BDP1: variants seen among roughly 807,000 people sequenced by gnomAD.
BDP1 encodes transcription factor TFIIIB component B'' homolog.
In BDP1, 169 loss-of-function variants were observed where a neutral mutation model predicts 266.6. That is an observed-to-expected ratio of 0.63 (90% confidence interval 0.56 to 0.72). The LOEUF is 0.72. BDP1 is among the 30% of genes least tolerant of loss of function. The pLI, the probability that BDP1 is intolerant of heterozygous loss-of-function variation, is 0.00. For missense variants in BDP1, 3,015 were observed against 3,053.8 expected (o/e 0.99, Z 0.30); for synonymous variants, 1,090 against 1,022.4 (o/e 1.07, Z -1.26).
At chr5:71,492,021 C>T (rs529155537) in intron 11 of BDP1, among the ~76,000 whole-genome samples, 1 of 152,286 alleles carries the variant, frequency 6.6e-6, no homozygotes, top group South Asian at 2.1e-4. Flanking sequence ...CAGCCTCATG[C>T]AGTATTTTTC....
At chr5:71,528,774 AG>A (rs1172751571) in intron 25 of BDP1, among the ~76,000 whole-genome samples, 1 of 152,236 alleles carries the variant, frequency 6.6e-6, no homozygotes, top group Non-Finnish European at 1.5e-5. Context: ...TTCAAAGTAA[AG>A]ATAGTAAATG....
intron 25 of BDP1, among the ~76,000 whole-genome samples, chr5:71,524,637 T>A (rs993863955): frequency 2.3e-4 from 27 of 118,024 alleles, no homozygotes; most frequent in African/African-American, 4.4e-4. Flanking sequence ...TTATTTATTT[T>A]TTATTTATTT....
chr5:71,518,729 C>G (rs1765345127), intron 22 of BDP1, among the ~76,000 whole-genome samples: 1 of 152,084 alleles, frequency 6.6e-6, no homozygotes, highest in African/African-American at 2.4e-5. Flanking sequence ...CTTGGGATTA[C>G]ATGGTGAGCC....
intron 18 of BDP1, among the ~76,000 whole-genome samples, 163 bp from the exon 19 acceptor site, chr5:71,513,022 C>T (rs1765015570): frequency 7.5e-6 from 1 of 132,510 alleles, no homozygotes; most frequent in South Asian, 2.4e-4. Flanking sequence ...ATGATTGTGT[C>T]ATTGCACTCC....
intron 36 of BDP1, among the ~76,000 whole-genome samples, 187 bp from the exon 37 acceptor site, chr5:71,559,795 T>A (rs1743498695): frequency 2.0e-5 from 3 of 152,228 alleles, no homozygotes; most frequent in Admixed American, 1.3e-4. Flanking sequence ...GCAGAAGCTG[T>A]TAGCATACCT....
the BDP1 span, among the ~76,000 whole-genome samples, chr5:71,575,683 A>G: frequency 6.6e-6 from 1 of 152,196 alleles, no homozygotes; most frequent in Admixed American, 6.5e-5. Context: ...GATAAGCCTC[A>G]ATTTGCCTTC....
chr5:71,543,732 C>G (rs1016023215), intron 30 of BDP1, among the ~76,000 whole-genome samples: 1 of 152,186 alleles, frequency 6.6e-6, no homozygotes, highest in African/African-American at 2.4e-5. Context: ...AGGTGTCAAC[C>G]TGTAATACAT....
intron 31 of BDP1, 101 bp from the exon 32 acceptor site, chr5:71,544,938 T>A: frequency 3.0e-6 from 3 of 992,656 alleles, no homozygotes; most frequent in Non-Finnish European, 4.6e-6. Context: ...TTTAAAAGTT[T>A]GAAAACCATT....
Position 71,517,329 on chromosome 5 carries a change from C to A in BDP1, c.4868C>A (p.Ser1623Tyr), listed in dbSNP as rs1401065420. 6.3e-7 allele frequency: 1 copy of A among 1,597,030 alleles called. No individual in the cohort carries two copies. The highest frequency in any genetic ancestry group is 8.5e-7 in the Non-Finnish European group (1 of 1,174,992). ...ATGATTTTGTCTTTTCAGTCAAATT[C>A]TCAAATTGAAACTGAAATTGAAGTT... ...TEKKVLTVSN[S>Y]QIETEIEVPS... The change falls in exon 22 of 39, where the codon TCT becomes TAT. Residue 1623 changes from serine to tyrosine, a missense_variant. Ser to Tyr is a moderately radical substitution (Grantham distance 144). This residue lies in a region of BDP1 where 2,383 missense variants were observed against 2,404.9 expected (regional missense o/e 0.99). Transcript: ENST00000358731.
At chr5:71,564,127 T>C (rs1743873774) in intron 38 of BDP1, among the ~76,000 whole-genome samples, 1 of 152,160 alleles carries the variant, frequency 6.6e-6, no homozygotes, top group African/African-American at 2.4e-5. Flanking sequence ...CAATAACTGT[T>C]TTTGATATGG....
chr5:71,561,047 G>A (rs1188809781), intron 37 of BDP1, among the ~76,000 whole-genome samples: 2 of 152,076 alleles, frequency 1.3e-5, no homozygotes, highest in African/African-American at 2.4e-5. Context: ...AGCTATGATT[G>A]TGCCTGTGAA....
At chr5:71,542,474 A>AT (rs1767028068) in intron 30 of BDP1, among the ~76,000 whole-genome samples, 2 of 152,088 alleles carry the variant, frequency 1.3e-5, no homozygotes, top group Admixed American at 6.6e-5. Flanking sequence ...TGTTTGATCA[A>AT]TTTTTTGTCC....
At chr5:71,514,878 C>T in intron 19 of BDP1, 66 bp from the exon 20 acceptor site, 1 of 1,165,746 alleles carries the variant, frequency 8.6e-7, no homozygotes, top group Non-Finnish European at 1.2e-6. Context: ...TCAGTTTATA[C>T]TTGTAAAGTT....
chr5:71,517,869 C>G (rs1765302510), intron 22 of BDP1, among the ~76,000 whole-genome samples: 1 of 151,956 alleles, frequency 6.6e-6, no homozygotes, highest in Non-Finnish European at 1.5e-5. Context: ...AGTTCAAGAC[C>G]AGCCTGGGCA....
chr5:71,476,935 C>T (rs1402072635), intron 7 of BDP1, among the ~76,000 whole-genome samples: 1 of 152,064 alleles, frequency 6.6e-6, no homozygotes, highest in South Asian at 2.1e-4. Flanking sequence ...GATCTCTTGA[C>T]CTCGTGATCT....
chr5:71,486,179 C>CCTT (rs1763248515), intron 8 of BDP1, among the ~76,000 whole-genome samples: 1 of 151,850 alleles, frequency 6.6e-6, no homozygotes, highest in Non-Finnish European at 1.5e-5. Context: ...GTAGTTTGTT[C>CCTT]CTTTTGTTTT....
chr5:71,507,463 A>G (rs1452964798), intron 16 of BDP1, among the ~76,000 whole-genome samples: 1 of 152,244 alleles, frequency 6.6e-6, no homozygotes. Context: ...TAATTATAAC[A>G]TTGCATATCT....
intron 26 of BDP1, among the ~76,000 whole-genome samples, chr5:71,535,347 A>G (rs925095811): frequency 5.3e-5 from 8 of 151,844 alleles, no homozygotes; most frequent in African/African-American, 1.9e-4. Flanking sequence ...TGGGATTACA[A>G]GCGCCCGCCA....
chr5:71,473,836 C>G (rs559339690), intron 7 of BDP1, among the ~76,000 whole-genome samples: 1 of 144,830 alleles, frequency 6.9e-6, no homozygotes, highest in African/African-American at 2.5e-5. Context: ...GCCCTCCCCC[C>G]ACCCCACAAC....
Sources: allele counts gnomAD v4.1 joint callset (sites outside exome capture counted in the v4.1 genomes callset), GRCh38; gene constraint gnomAD v4.1.1; regional missense constraint gnomAD v4.1.1; transcripts MANE v1.5; gene names NCBI Gene and HGNC (gene_info 2026-07-23, HGNC 2026-07-21).